KRT76: variants seen among roughly 807,000 people sequenced by gnomAD.
The protein encoded by KRT76 is keratin, type II cytoskeletal 2 oral.
Under a neutral mutation model 44.9 loss-of-function variants are expected in KRT76, and 47 were observed. The ratio of observed to expected loss-of-function variants is 1.05; its 90% CI spans 0.83 to 1.33. KRT76 has a LOEUF of 1.33. Among genes scored for constraint, KRT76 ranks in the 40% most tolerant of loss-of-function variants. KRT76 has a pLI of 0.00. For synonymous variants in KRT76, 331 were observed against 294.1 expected, an observed-to-expected ratio of 1.13 and a Z score of -1.28; for missense variants, 860 against 775.8, an observed-to-expected ratio of 1.11 and a Z score of -1.29.
chr12:52,771,000 T>C lies in KRT76; in HGVS notation c.1483A>G (p.Arg495Gly). 1 of 1,614,132 alleles carries C rather than the reference T, an allele frequency of 6.2e-7. No individual in the cohort carries two copies. The highest frequency in any genetic ancestry group is 8.5e-7 in the Non-Finnish European group (1 of 1,180,030). Residue 495 changes from arginine to glycine, a missense_variant and splice_region_variant, in exon 7 of 9, where the codon AGG becomes GGG. Coordinates refer to ENST00000332411, the MANE Select transcript of KRT76 (RefSeq NM_015848.4). Reference sequence around the variant, plus strand: ...AATGGTGATCCCATGGCCCCTCACCTGCACTCCTCTCCCTCCAGCAGCTTG... The same window carrying C: ...AATGGTGATCCCATGGCCCCTCACCCGCACTCCTCTCCCTCCAGCAGCTTG... ...YRKLLEGEEC[R>G]MSGECQSAVC... is the part of the protein sequence containing the mutation.
Position 52,775,615 on chromosome 12 carries a change from G to A in KRT76, c.601-13C>T, listed in dbSNP as rs1399338785. The A allele has an allele frequency of 4.3e-6, 7 of 1,609,866 alleles. No individual in the cohort carries two copies. The highest frequency in any genetic ancestry group is 1.1e-5 in the South Asian group (1 of 90,842). ...CCAGGAACCGCACCTGCATGAAAGAGGGGAGAAAAGGAGTCAGCCCCTTGA... is the reference window on the plus strand; with the variant it reads ...CCAGGAACCGCACCTGCATGAAAGAAGGGAGAAAAGGAGTCAGCCCCTTGA... On this transcript the variant is annotated splice_polypyrimidine_tract_variant and intron_variant, in intron 1 of 8. Coordinates refer to ENST00000332411, the MANE Select transcript of KRT76 (RefSeq NM_015848.4).
At chr12:52,772,045 A>G (rs746347916) in intron 5 of KRT76, 49 bp from the exon 6 acceptor site, 8 of 1,608,640 alleles carry the variant, frequency 5.0e-6, no homozygotes, top group East Asian at 2.2e-5. Flanking sequence ...GTGTTGGCAC[A>G]TTCTCAATGA....
chr12:52,771,755 C>T, intron 6 of KRT76, 116 bp downstream of exon 6: 1 of 1,315,148 alleles, frequency 7.6e-7, no homozygotes, highest in Non-Finnish European at 1.0e-6. Flanking sequence ...CTGCGCTATC[C>T]CACATGTGAC....
At position 52,777,204 on chromosome 12, in the gene KRT76, T is replaced by C. The variant is rs1025396952; in HGVS notation, c.88A>G (p.Met30Val). 1.9e-6 allele frequency: 3 copies of C among 1,614,076 alleles called. No homozygotes were observed. The African/African-American group carries it at 4.0e-5, about 22-fold the overall frequency. Residue 30 changes from methionine (M) to valine (V), a missense_variant, in exon 1 of 9, where the codon ATG becomes GTG. Coordinates refer to ENST00000332411, the MANE Select transcript of KRT76 (RefSeq NM_015848.4). Reference sequence around the variant, plus strand: ...CCCCCAGAGCGGGCCACACAGCTCATCCTGCTGCTGCCGGAGACCACAGCA... The same window carrying C: ...CCCCCAGAGCGGGCCACACAGCTCACCCTGCTGCTGCCGGAGACCACAGCA... Reference protein sequence around the residue: ...RSAVVSGSSRMSCVARSGGAG... With the variant: ...RSAVVSGSSRVSCVARSGGAG...
intron 2 of KRT76, 81 bp from the exon 3 acceptor site, chr12:52,773,723 C>T (rs1218243602): frequency 1.2e-5 from 14 of 1,205,790 alleles, no homozygotes; most frequent in Non-Finnish European, 1.7e-5. Flanking sequence ...GCACTCTCCT[C>T]ACCTGCGCAG....
intron 8 of KRT76, among the ~76,000 whole-genome samples, 177 bp downstream of exon 8, chr12:52,769,372 G>A (rs1318676404): frequency 6.6e-6 from 1 of 152,196 alleles, no homozygotes; most frequent in Admixed American, 6.5e-5. Context: ...GGCCTGAGAG[G>A]TTGTCAGCTT....
chr12:52,776,886 C>A lies in KRT76; in HGVS notation c.406G>T (p.Gly136Trp), dbSNP rs1439117640. 1 of 1,612,174 alleles carries A rather than the reference C, an allele frequency of 6.2e-7. No homozygotes were observed. Among genetic ancestry groups the A allele is most frequent in the African/African-American group, 1.3e-5 (1 of 74,942 alleles). The change falls in exon 1 of 9, where the codon GGG (glycine) becomes TGG (tryptophan). Residue 136 changes from glycine to tryptophan, a missense_variant. Coordinates refer to ENST00000332411, the MANE Select transcript of KRT76 (RefSeq NM_015848.4). Reference protein sequence around the residue: ...GGFGGPGVFGGPGSFGGPGGF... With the variant: ...GGFGGPGVFGWPGSFGGPGGF... Reference sequence around the variant, plus strand: ...CCAGGACCACCAAAGCTGCCAGGCCCACCAAATACACCAGGACCACCAAAG... The same window carrying A: ...CCAGGACCACCAAAGCTGCCAGGCCAACCAAATACACCAGGACCACCAAAG...
chr12:52,768,542 G>T lies in KRT76; in HGVS notation c.*171C>A, dbSNP rs1939125403. The T allele has an allele frequency of 2.8e-6, 2 of 721,712 alleles. No homozygotes were observed. The highest frequency in any genetic ancestry group is 4.6e-6 in the Non-Finnish European group (2 of 435,848). The allele number at this position is 721,712 out of a possible 1,614,324, so 44.7% of individuals were successfully genotyped here. A position where few individuals can be genotyped will look rare whatever the true frequency, so the allele number is the denominator to read the frequency against. On this transcript the variant is annotated 3_prime_UTR_variant, in exon 9 of 9. Transcript: ENST00000332411. ...CCAGACCAGCAGCAGGACCTCCATG[G>T]CCCTGGGAAGGTCATGGGGATGGAG...
rs202137413 is a variant in KRT76 at position 52,771,823 on chromosome 12, C to G, written c.1263+48G>C. ...GGAGCAGAGCTTATGCTGCTTCTCTCCGGGGCCCAGAAGACCTCTGGGATC... is the reference window on the plus strand; with the variant it reads ...GGAGCAGAGCTTATGCTGCTTCTCTGCGGGGCCCAGAAGACCTCTGGGATC... On this transcript the variant is annotated intron_variant, in intron 6 of 8. Coordinates refer to ENST00000332411, the MANE Select transcript of KRT76 (RefSeq NM_015848.4). 1.2e-4 allele frequency: 198 copies of G among 1,588,068 alleles called. No homozygotes were observed. In the African/African-American group the frequency reaches 2.5e-3, roughly 20 times the overall value.
At position 52,768,688 on chromosome 12, in the gene KRT76, G is replaced by T; in HGVS notation, c.*25C>A. 1 of 1,568,270 alleles carries T rather than the reference G, an allele frequency of 6.4e-7. No homozygotes were observed. Among genetic ancestry groups the T allele is most frequent in the South Asian group, 1.2e-5 (1 of 85,254 alleles). On this transcript the variant is annotated 3_prime_UTR_variant, in exon 9 of 9. Transcript: ENST00000332411. ...ATTGCAGGCTGAGTGGGAAGCAGGTGGTTATAGAGATTTGGAACAGTAGAT... is the reference window on the plus strand; with the variant it reads ...ATTGCAGGCTGAGTGGGAAGCAGGTTGTTATAGAGATTTGGAACAGTAGAT...
rs760719267 is a variant in KRT76, at chr12:52,771,993, C to T, written c.1141G>A (p.Gly381Arg). 2 of 1,613,548 alleles carry T rather than the reference C, an allele frequency of 1.2e-6. No homozygotes were observed. The highest frequency in any genetic ancestry group is 4.5e-5 in the East Asian group (2 of 44,886). ...EAEALYQTKL[G>R]ELQTTAGRHG... The stretch of plus-strand genomic sequence containing the variant: ...CTGCCAGCTGTGGTCTGCAGCTCCC[C>T]AAGCTGACAGAGGAAAAACCAATCA... The change falls in exon 6 of 9, where the codon GGG becomes AGG. Residue 381 changes from glycine to arginine, a missense_variant. Coordinates refer to ENST00000332411, the MANE Select transcript of KRT76 (RefSeq NM_015848.4).
intron 4 of KRT76, 56 bp downstream of exon 4, chr12:52,772,727 T>C: frequency 7.8e-7 from 1 of 1,289,134 alleles, no homozygotes; most frequent in Non-Finnish European, 1.1e-6. Context: ...CCCCTAAAGT[T>C]ATGCTTGGGA....
intron 2 of KRT76, among the ~76,000 whole-genome samples, chr12:52,774,093 A>G (rs545315016): frequency 6.6e-6 from 1 of 152,226 alleles, no homozygotes; most frequent in East Asian, 1.9e-4. Flanking sequence ...CAGCCTCCCA[A>G]AGTACTGGGA....
Position 52,771,868 on chromosome 12 carries a change from C to A in KRT76, c.1263+3G>T, listed in dbSNP as rs1209820734. 1.9e-6 allele frequency: 3 copies of A among 1,613,130 alleles called. No homozygotes were observed. The East Asian group carries it at 6.7e-5, about 36-fold the overall frequency. ...GGGATCTCTCCGTTAAACCCAGCCC[C>A]ACCTGCTTCTTGACATTTTCAATCT... On this transcript the variant is annotated splice_donor_region_variant and intron_variant, in intron 6 of 8. Coordinates refer to ENST00000332411, the MANE Select transcript of KRT76 (RefSeq NM_015848.4).
chr12:52,769,653 C>T (rs1939149077), intron 7 of KRT76, 70 bp from the exon 8 acceptor site: 1 of 1,399,256 alleles, frequency 7.1e-7, no homozygotes, highest in East Asian at 2.3e-5. Context: ...GAGTTCACAA[C>T]TTTGGGAGCC....
chr12:52,777,287 T>C lies in KRT76; in HGVS notation c.5A>G (p.Asn2Ser), dbSNP rs146545922. The change falls in exon 1 of 9, where the codon AAC (asparagine) becomes AGC (serine). Residue 2 changes from asparagine (N) to serine (S), a missense_variant. Physicochemically the swap from Asn to Ser is conservative, Grantham distance 46 (BLOSUM62 1). Transcript: ENST00000332411. ...GAAGGATTTCTTGCAAACTTGTCTGTTCATAGTGAGAGAGCTTGGAGGCAA... is the reference window on the plus strand; with the variant it reads ...GAAGGATTTCTTGCAAACTTGTCTGCTCATAGTGAGAGAGCTTGGAGGCAA... Reference protein sequence around the residue: MNRQVCKKSFSG... With the variant: MSRQVCKKSFSG... 46 of 1,614,116 alleles carry C rather than the reference T, an allele frequency of 2.8e-5. No homozygotes were observed. The African/African-American group carries it at 5.3e-4, about 19-fold the overall frequency.
Position 52,771,185 on chromosome 12 carries a change from T to G in KRT76, c.1298A>C (p.Glu433Ala). ...ANLQTAIAEA[E>A]QRGEMALKDA... is the part of the protein sequence containing the mutation. ...CTTGAGGGCCATCTCTCCACGCTGCTCAGCCTCTGCAATTGCCGTCTGCAG... is the reference window on the plus strand; with the variant it reads ...CTTGAGGGCCATCTCTCCACGCTGCGCAGCCTCTGCAATTGCCGTCTGCAG... The change falls in exon 7 of 9, where the codon GAG becomes GCG. Residue 433 changes from glutamate to alanine, a missense_variant. Coordinates refer to ENST00000332411, the MANE Select transcript of KRT76 (RefSeq NM_015848.4). 1 of 1,614,182 alleles carries G rather than the reference T, an allele frequency of 6.2e-7. No homozygotes were observed. The highest frequency in any genetic ancestry group is 8.5e-7 in the Non-Finnish European group (1 of 1,180,024).
At chr12:52,770,705 G>A (rs58322669) in intron 7 of KRT76, among the ~76,000 whole-genome samples, 1 of 152,158 alleles carries the variant, frequency 6.6e-6, no homozygotes. Context: ...AAAAGTTCCA[G>A]TGGACAGCAC....
Position 52,775,489 on chromosome 12 carries a change from G to A in KRT76, c.714C>T (p.Ile238=), listed in dbSNP as rs766905459. ...AATCTAGCTGCTTGCATAGGAAGCT[G>A]ATGTAGGATTCAAAACAAGGCTCCA... ...SSLEPCFESY[I]SFLCKQLDSL... is the part of the protein sequence containing the mutation. Residue 238 remains isoleucine, a synonymous_variant, in exon 2 of 9, where the codon ATC becomes ATT. Coordinates refer to ENST00000332411, the MANE Select transcript of KRT76 (RefSeq NM_015848.4). 9 of 1,614,062 alleles carry A rather than the reference G, an allele frequency of 5.6e-6. No homozygotes were observed. In the African/African-American group the frequency reaches 9.3e-5, roughly 17 times the overall value.
Sources: allele counts gnomAD v4.1 joint callset (sites outside exome capture counted in the v4.1 genomes callset), GRCh38; gene constraint gnomAD v4.1.1; transcripts MANE v1.5; gene names NCBI Gene and HGNC (gene_info 2026-07-23, HGNC 2026-07-21).